FANCC: variants seen among roughly 807,000 people sequenced by gnomAD.
FANCC encodes Fanconi anemia group C protein.
A neutral mutation model predicts 71.3 loss-of-function variants in FANCC; 55 were observed. That is an observed-to-expected ratio of 0.77 (90% CI 0.62 to 0.97). The LOEUF (loss-of-function observed/expected upper bound fraction) is 0.97, where lower values mean the gene tolerates loss of function less well. Among genes scored for constraint, FANCC ranks in the 50% least tolerant of loss-of-function variants. The probability of loss-of-function intolerance (pLI) is 0.00; values close to 1 mark genes in which losing one functional copy is unlikely to be tolerated. For missense variants in FANCC, 678 were observed against 670.9 expected (o/e 1.01, Z -0.12); for synonymous variants, 275 against 244.9 (o/e 1.12, Z -1.15).
At position 95,304,749 on chromosome 9, in the gene FANCC, CAAAAAAAAA is replaced by C. The variant is rs35105777; in HGVS notation, c.-79+12768_-79+12776del. On this transcript the variant is annotated intron_variant, in intron 1 of 14. Transcript: ENST00000289081. ...TGGGCAACAGAGCAAGACTCTATCT[CAAAAAAAAA>C]AAAAAAAAAAAAAAAAAGGGAAAAC... 1.3e-4 allele frequency among the ~76,000 whole-genome samples: 6 copies of C among 44,498 alleles called. No homozygotes were observed. The South Asian group carries it at 3.5e-3, about 26-fold the overall frequency. The allele number at this position is 44,498 out of a possible 152,430, so 29.2% of individuals were successfully genotyped here.
intron 1 of FANCC, among the ~76,000 whole-genome samples, chr9:95,258,534 G>C (rs569319994): frequency 6.6e-6 from 1 of 152,030 alleles, no homozygotes. Context: ...TTGATGGAAC[G>C]TATCTCAAAA....
rs372903674 is a variant in FANCC at position 95,144,063 on chromosome 9, TA to T, written c.686+5859del. 1.0e-3 allele frequency among the ~76,000 whole-genome samples: 152 copies of T among 146,228 alleles called. 3 individuals carry two copies. Among genetic ancestry groups the T allele is most frequent in the African/African-American group, 3.7e-3 (149 of 40,492 alleles). Reference sequence around the variant, plus strand: ...TGTGGTAAGCAAATAGTTGGAAGGCTAAACACGGGTTAGAGTGCATTGGTCA... The same window carrying T: ...TGTGGTAAGCAAATAGTTGGAAGGCTAACACGGGTTAGAGTGCATTGGTCA... On this transcript the variant is annotated intron_variant, in intron 7 of 14. Coordinates refer to ENST00000289081, the MANE Select transcript of FANCC (RefSeq NM_000136.3).
Position 95,219,321 on chromosome 9 carries a change from T to C in FANCC, c.345+21328A>G, listed in dbSNP as rs534642729. ...AACAGCAGCCATGTATACAGCGGAA[T>C]TGGAAAAAAACAAAAAACCAGACAG... On this transcript the variant is annotated intron_variant, in intron 4 of 14. Transcript: ENST00000289081. 2.3e-4 allele frequency among the ~76,000 whole-genome samples: 35 copies of C among 152,150 alleles called. No individual in the cohort carries two copies. The South Asian group carries it at 5.8e-3, about 25-fold the overall frequency.
At chr9:95,264,640 T>C (rs974717722) in intron 1 of FANCC, among the ~76,000 whole-genome samples, 1 of 152,120 alleles carries the variant, frequency 6.6e-6, no homozygotes, top group Non-Finnish European at 1.5e-5. Flanking sequence ...CATGAGGTCC[T>C]TTCTCTCATG....
intron 4 of FANCC, among the ~76,000 whole-genome samples, chr9:95,191,323 CTTCCTT>C: frequency 7.6e-6 from 1 of 132,222 alleles, no homozygotes; most frequent in Non-Finnish European, 1.6e-5. Flanking sequence ...CACCATCCTA[CTTCCTT>C]TTTTTTTTTT....
At chr9:95,115,086 G>T (rs890528263) in intron 11 of FANCC, among the ~76,000 whole-genome samples, 2 of 152,108 alleles carry the variant, frequency 1.3e-5, no homozygotes, top group African/African-American at 4.8e-5. Context: ...GACTACAGGG[G>T]TGCACCACCA....
intron 6 of FANCC, among the ~76,000 whole-genome samples, chr9:95,151,138 T>A (rs1830147712): frequency 6.6e-6 from 1 of 152,118 alleles, no homozygotes; most frequent in African/African-American, 2.4e-5. Context: ...CGTGCTTTAC[T>A]TCTCTTCCTG....
At chr9:95,279,526 T>C (rs564948040) in intron 1 of FANCC, among the ~76,000 whole-genome samples, 123 of 146,330 alleles carry the variant, frequency 8.4e-4, no homozygotes, top group African/African-American at 2.9e-3. Context: ...AAACAGATAA[T>C]ACTTACTTAA....
chr9:95,155,892 G>GTT (rs68175473), intron 6 of FANCC, among the ~76,000 whole-genome samples: 3,676 of 138,762 alleles, frequency 0.026, 63 homozygotes, highest in African/African-American at 0.037. Context: ...CTTTTTTTGG[G>GTT]TTTTTTTTTT....
At chr9:95,202,239 T>C (rs1016442090) in intron 4 of FANCC, among the ~76,000 whole-genome samples, 1 of 152,170 alleles carries the variant, frequency 6.6e-6, no homozygotes, top group African/African-American at 2.4e-5. Flanking sequence ...GGAAGAGAAC[T>C]GGGGAAACTG....
At chr9:95,114,547 T>C (rs1482911793) in intron 12 of FANCC, 82 bp downstream of exon 12, 7 of 1,231,104 alleles carry the variant, frequency 5.7e-6, no homozygotes, top group Non-Finnish European at 7.2e-6. Context: ...TGCCTTCCTC[T>C]GTCAGCCCTG....
intron 7 of FANCC, among the ~76,000 whole-genome samples, chr9:95,149,400 A>G (rs1029260514): frequency 6.6e-6 from 1 of 152,160 alleles, no homozygotes. Context: ...GTGTTTACCT[A>G]TGTAACAAAC....
chr9:95,252,289 AAAAAAGAAAAAAAAAAG>A (rs1831389782), intron 1 of FANCC, among the ~76,000 whole-genome samples: 1 of 148,806 alleles, frequency 6.7e-6, no homozygotes, highest in South Asian at 2.1e-4. Context: ...AAAAAAAAAA[AAAAAAGAAAAAAAAAAG>A]AAACAAAGAA....
intron 1 of FANCC, among the ~76,000 whole-genome samples, chr9:95,308,442 C>T (rs898274259): frequency 1.0e-5 from 1 of 95,588 alleles, no homozygotes; most frequent in South Asian, 4.0e-4. Flanking sequence ...TGTCACCACA[C>T]CCGGCTAGTT....
chr9:95,283,640 T>C (rs1436669604), intron 1 of FANCC, among the ~76,000 whole-genome samples: 1 of 152,256 alleles, frequency 6.6e-6, no homozygotes, highest in Non-Finnish European at 1.5e-5. Flanking sequence ...CTTTACTCAC[T>C]ATGTTCCAAT....
At chr9:95,162,184 C>T (rs1231883890) in intron 6 of FANCC, among the ~76,000 whole-genome samples, 3 of 152,200 alleles carry the variant, frequency 2.0e-5, no homozygotes, top group African/African-American at 4.8e-5. Flanking sequence ...AGATACCACA[C>T]ATAAGTGTAA....
chr9:95,292,684 A>G (rs569550964), intron 1 of FANCC: 2 of 1,326,060 alleles, frequency 1.5e-6, no homozygotes, highest in East Asian at 4.6e-5. Context: ...AGCACAGTCA[A>G]TCCAATAATA....
chr9:95,150,091 TG>T lies in FANCC; in HGVS notation c.522-5del, dbSNP rs1554838647. On this transcript the variant is annotated splice_polypyrimidine_tract_variant and splice_region_variant and intron_variant, in intron 6 of 14. Coordinates refer to ENST00000289081, the MANE Select transcript of FANCC (RefSeq NM_000136.3). Reference sequence around the variant, plus strand: ...CGCCACTCGCTCGGGAGCCATTCTATGGAAGAAATAAGAAATAATCACTCAA... The same window carrying T: ...CGCCACTCGCTCGGGAGCCATTCTATGAAGAAATAAGAAATAATCACTCAA... 6.2e-7 allele frequency: 1 copy of T among 1,613,892 alleles called. No individual in the cohort carries two copies. Among genetic ancestry groups the T allele is most frequent in the Non-Finnish European group, 8.5e-7 (1 of 1,180,010 alleles).
chr9:95,193,600 G>A (rs1827240294), intron 4 of FANCC, among the ~76,000 whole-genome samples: 1 of 152,138 alleles, frequency 6.6e-6, no homozygotes, highest in African/African-American at 2.4e-5. Flanking sequence ...AAATTGGGTT[G>A]GTAAGACTGT....
Sources: gnomAD v4.1 joint callset for allele counts (sites outside exome capture counted in the v4.1 genomes callset) on GRCh38, gnomAD v4.1.1 for gene constraint, MANE v1.5 for transcripts, NCBI Gene and HGNC (gene_info 2026-07-23, HGNC 2026-07-21) for gene names.